Variants in FYB1 observed in about 807,000 individuals in gnomAD.
FYB1 encodes the protein FYN-binding protein 1.
In FYB1, 41 loss-of-function variants were observed where a neutral mutation model predicts 94.1. The ratio of observed to expected loss-of-function variants is 0.44; its 90% confidence interval spans 0.34 to 0.57. The LOEUF (loss-of-function observed/expected upper bound fraction) is 0.57. FYB1 is among the 20% of genes least tolerant of loss of function. FYB1 has a pLI of 0.02. For synonymous variants in FYB1, 367 were observed against 353.2 expected (o/e 1.04, Z -0.44); for missense variants, 1,050 against 976.8 (o/e 1.07, Z -1.00).
At chr5:39,198,447 C>A (rs1227306909) in intron 2 of FYB1, among the ~76,000 whole-genome samples, 1 of 152,114 alleles carries the variant, frequency 6.6e-6, no homozygotes. Context: ...AAGACATAAA[C>A]ATTTTGAAAG....
At chr5:39,240,833 G>A (rs1751173441) in intron 1 of FYB1, among the ~76,000 whole-genome samples, 1 of 152,056 alleles carries the variant, frequency 6.6e-6, no homozygotes, top group Admixed American at 6.6e-5. Context: ...TATACCCAAG[G>A]GAATATAAAT....
At chr5:39,117,131 A>T (rs1739649793) in intron 16 of FYB1, among the ~76,000 whole-genome samples, 1 of 152,192 alleles carries the variant, frequency 6.6e-6, no homozygotes. Flanking sequence ...TACATCATTT[A>T]GACTCATCAC....
At position 39,232,425 on chromosome 5, in the gene FYB1, G is replaced by A. The variant is rs548194707; in HGVS notation, c.-27-29438C>T. On this transcript the variant is annotated intron_variant, in intron 1 of 1. Transcript: ENST00000510188. ...CAGATGTGCAGCAGGTCTCAGAAAT[G>A]GTATTCAGGCTGACAACGGACCCAG... Among the ~76,000 whole-genome samples the A allele has an allele frequency of 1.6e-4, 24 of 152,008 alleles. No individual in the cohort carries two copies. In the East Asian group the frequency reaches 4.4e-3, roughly 28 times the overall value.
At position 39,162,011 on chromosome 5, in the gene FYB1, A is replaced by G. The variant is rs1011922470; in HGVS notation, c.1136-8407T>C. On this transcript the variant is annotated intron_variant, in intron 2 of 18. Coordinates refer to ENST00000512982, the MANE Select transcript of FYB1 (RefSeq NM_001465.6). The stretch of plus-strand genomic sequence containing the variant: ...TGTTTTTGCAGTTCAATTATATTGT[A>G]GCAGATATTAATATTACTATCTTAT... Among the ~76,000 whole-genome samples the G allele has an allele frequency of 5.9e-5, 9 of 151,384 alleles. No individual in the cohort carries two copies. The East Asian group carries it at 7.7e-4, about 13-fold the overall frequency.
At chr5:39,256,705 A>G (rs1751959278) in intron 1 of FYB1, among the ~76,000 whole-genome samples, 1 of 152,168 alleles carries the variant, frequency 6.6e-6, no homozygotes, top group Non-Finnish European at 1.5e-5. Context: ...TCTGCCTCCT[A>G]GATGACTAAT....
chr5:39,144,203 G>A (rs1742437956), intron 3 of FYB1, among the ~76,000 whole-genome samples: 1 of 152,104 alleles, frequency 6.6e-6, no homozygotes, highest in Non-Finnish European at 1.5e-5. Context: ...GAAACATTAA[G>A]GAGTCTGGGT....
upstream of FYB1, among the ~76,000 whole-genome samples, chr5:39,223,783 G>T (rs761130863): frequency 6.6e-5 from 10 of 152,172 alleles, no homozygotes; most frequent in Non-Finnish European, 1.3e-4. Context: ...ATTAGAGTGG[G>T]GGTGGGTGTA....
At position 39,107,111 on chromosome 5, in the gene FYB1, T is replaced by G. The variant is rs182821574; in HGVS notation, c.*332A>C. The stretch of plus-strand genomic sequence containing the variant: ...TCATTTCTTCCTGAATGATTTTCCT[T>G]TTTCTTTTATTTTTATTTTTTGAAG... On this transcript the variant is annotated 3_prime_UTR_variant, in exon 19 of 19. Transcript: ENST00000512982. 1 of 173,156 alleles carries G rather than the reference T, an allele frequency of 5.8e-6. No homozygotes were observed. The highest frequency in any genetic ancestry group is 6.3e-5 in the Admixed American group (1 of 15,946). 10.7% of individuals were successfully genotyped at this position (173,156 alleles called of 1,614,324 possible). A position where few individuals can be genotyped will look rare whatever the true frequency, so the allele number is the denominator to read the frequency against.
At position 39,202,978 on chromosome 5, in the gene FYB1, C is replaced by G; in HGVS notation, c.-18G>C. 3 of 1,613,022 alleles carry G rather than the reference C, an allele frequency of 1.9e-6. No homozygotes were observed. Among genetic ancestry groups the G allele is most frequent in the Non-Finnish European group, 2.5e-6 (3 of 1,179,676 alleles). On this transcript the variant is annotated 5_prime_UTR_variant, in exon 2 of 19. Coordinates refer to ENST00000512982, the MANE Select transcript of FYB1 (RefSeq NM_001465.6). ...TTCGCCATGAGGGACTTTACATCTG[C>G]CTTTCCATCCTACAAACATAGGGAA...
chr5:39,230,688 A>C (rs1282003019), intron 1 of FYB1, among the ~76,000 whole-genome samples: 1 of 152,026 alleles, frequency 6.6e-6, no homozygotes, highest in African/African-American at 2.4e-5. Flanking sequence ...AAAATGTATT[A>C]TTACTTCAGT....
chr5:39,122,592 A>G (rs571764807), intron 13 of FYB1, among the ~76,000 whole-genome samples, 190 bp from the exon 14 acceptor site: 1 of 152,232 alleles, frequency 6.6e-6, no homozygotes, highest in South Asian at 2.1e-4. Flanking sequence ...GCCAGGATGC[A>G]TGTGTTAAAT....
At chr5:39,210,475 T>C (rs1342948749) in intron 1 of FYB1, among the ~76,000 whole-genome samples, 1 of 152,214 alleles carries the variant, frequency 6.6e-6, no homozygotes, top group Admixed American at 6.5e-5. Flanking sequence ...TAGTAAAGCT[T>C]TGATGGTGAT....
At chr5:39,230,886 T>C (rs936835310) in intron 1 of FYB1, among the ~76,000 whole-genome samples, 7 of 147,750 alleles carry the variant, frequency 4.7e-5, no homozygotes, top group South Asian at 2.2e-4. Flanking sequence ...CACATATATA[T>C]ACACATACAT....
chr5:39,138,039 T>C (rs1741817426), intron 6 of FYB1: 1 of 336,482 alleles, frequency 3.0e-6, no homozygotes, highest in Non-Finnish European at 5.5e-6. Flanking sequence ...CTCTTTCATA[T>C]GCACACGTGC....
intron 1 of FYB1, among the ~76,000 whole-genome samples, chr5:39,210,639 C>T (rs1388635059): frequency 6.6e-6 from 1 of 152,198 alleles, no homozygotes; most frequent in Non-Finnish European, 1.5e-5. Flanking sequence ...GGTTATCCTA[C>T]AAAATAGCTC....
At chr5:39,137,777 C>T (rs929433939) in intron 6 of FYB1, 57 bp from the exon 7 acceptor site, 9 of 1,545,040 alleles carry the variant, frequency 5.8e-6, no homozygotes, top group Non-Finnish European at 6.1e-6. Context: ...TGCGTCGGAA[C>T]TCCCTACCTA....
At chr5:39,136,475 G>A (rs1231398639) in intron 7 of FYB1, among the ~76,000 whole-genome samples, 10 of 152,020 alleles carry the variant, frequency 6.6e-5, no homozygotes, top group East Asian at 1.9e-4. Flanking sequence ...ATATTAATAC[G>A]GTAATCATAA....
chr5:39,157,752 G>A (rs1743888235), intron 2 of FYB1, among the ~76,000 whole-genome samples: 1 of 152,172 alleles, frequency 6.6e-6, no homozygotes, highest in African/African-American at 2.4e-5. Context: ...TGATTTGAAA[G>A]TACTGGAACT....
At chr5:39,175,995 G>A (rs971348505) in intron 2 of FYB1, among the ~76,000 whole-genome samples, 1 of 152,016 alleles carries the variant, frequency 6.6e-6, no homozygotes, top group Non-Finnish European at 1.5e-5. Flanking sequence ...GAAGGATTAT[G>A]TGCTCCAGGG....
Sources: allele counts gnomAD v4.1 joint callset (sites outside exome capture counted in the v4.1 genomes callset), GRCh38; gene constraint gnomAD v4.1.1; transcripts MANE v1.5; gene names NCBI Gene and HGNC (gene_info 2026-07-23, HGNC 2026-07-21).